SPEG: variants seen among roughly 807,000 people sequenced by gnomAD.
SPEG encodes the protein striated muscle enriched protein kinase, also known as striated muscle preferentially expressed protein kinase.
Under a neutral mutation model 300.4 loss-of-function variants are expected in SPEG, and 114 were observed. That is an observed-to-expected ratio of 0.38 (90% confidence interval 0.33 to 0.44). The LOEUF is 0.44. Ranked by LOEUF, SPEG falls within the 20% of genes least tolerant of loss-of-function variation. The pLI is 1.00. For missense variants in SPEG, 4,201 were observed against 4,586.2 expected (o/e 0.92, Z 2.43); for synonymous variants, 1,964 against 2,018.9 (o/e 0.97, Z 0.73).
intron 1 of SPEG, among the ~76,000 whole-genome samples, chr2:219,440,523 T>A (rs910932452): frequency 6.6e-6 from 1 of 152,148 alleles, no homozygotes; most frequent in Non-Finnish European, 1.5e-5. Context: ...TTGTGCAGGC[T>A]GAACAAAACT....
rs753020658 is a variant in SPEG at position 219,443,222 on chromosome 2, G to A, written c.389-1431G>A. 2.1e-6 allele frequency: 3 copies of A among 1,453,804 alleles called. No homozygotes were observed. The East Asian group carries it at 6.8e-5, about 33-fold the overall frequency. 90.1% of individuals were successfully genotyped at this position (1,453,804 alleles called of 1,614,324 possible). On this transcript the variant is annotated intron_variant, in intron 1 of 40. Coordinates refer to ENST00000312358, the MANE Select transcript of SPEG (RefSeq NM_005876.5). This position sits in a 1 kb window ranked among gnomAD's most constrained non-coding sequence, Gnocchi z 4.6. ...CTCTTGGTCCCTGTCCCTCTGTGAG[G>A]CATCGAGTTCCTGAAGACAGCCCAT... is the stretch of plus-strand genomic sequence containing the variant.
intron 15 of SPEG, 64 bp downstream of exon 15, chr2:219,472,395 G>C: frequency 7.1e-7 from 1 of 1,411,658 alleles, no homozygotes. Context: ...GCTCAGGCAG[G>C]ACACCATGGG....
intron 3 of SPEG, among the ~76,000 whole-genome samples, chr2:219,446,172 C>T (rs554128658): frequency 1.6e-4 from 25 of 152,048 alleles, no homozygotes; most frequent in East Asian, 1.9e-4. Context: ...GGCTGGGCCA[C>T]GGCCAGGGGG....
At chr2:219,476,802 G>A in intron 18 of SPEG, 68 bp from the exon 19 acceptor site, 2 of 1,254,546 alleles carry the variant, frequency 1.6e-6, no homozygotes, top group East Asian at 2.3e-5. Context: ...CTTGGGAGGG[G>A]CTGAGGAGGC....
At chr2:219,485,610 A>G (rs1693340984) in intron 31 of SPEG, 133 bp downstream of exon 31, 3 of 834,690 alleles carry the variant, frequency 3.6e-6, no homozygotes, top group East Asian at 6.1e-5. Flanking sequence ...TCAGACAACT[A>G]TAACAATAGC....
Position 219,478,018 on chromosome 2 carries a change from G to C in SPEG, c.4940G>C (p.Arg1647Pro). Reference protein sequence around the residue: ...KPKASARREARLLARLQHDCV... With the variant: ...KPKASARREAPLLARLQHDCV... ...AAGGCATCAGCGCGTCGGGAGGCCCGGCTGCTGGCCAGGCTCCAGCACGAC... is the reference window on the plus strand; with the variant it reads ...AAGGCATCAGCGCGTCGGGAGGCCCCGCTGCTGGCCAGGCTCCAGCACGAC... The change falls in exon 22 of 41, where the codon CGG becomes CCG. Residue 1647 changes from arginine to proline, a missense_variant. By Grantham distance (103) the Arg-to-Pro change is moderately radical. Transcript: ENST00000312358. The C allele has an allele frequency of 6.2e-7, 1 of 1,614,174 alleles. No individual in the cohort carries two copies. Among genetic ancestry groups the C allele is most frequent in the Non-Finnish European group, 8.5e-7 (1 of 1,180,046 alleles).
Position 219,484,974 on chromosome 2 carries a change from T to C in SPEG, c.7511T>C (p.Leu2504Pro), listed in dbSNP as rs1276237760. Residue 2504 changes from leucine (L) to proline (P), a missense_variant, in exon 30 of 41, where the codon CTT becomes CCT. Leu to Pro is a moderately conservative substitution (Grantham distance 98). Around this residue, in one of 4 missense-constraint regions of SPEG, gnomAD observed 1,578 missense variants for 1,506.0 expected, o/e 1.05. Transcript: ENST00000312358. ...ATSEGESLRR[L>P]GLPHNQLAAQ... ...TCCGAGGGCGAGAGTCTGCGGCGCC[T>C]TGGCCTTCCGCACAACCAGTTGGCC... The C allele has an allele frequency of 6.5e-7, 1 of 1,530,092 alleles. No individual in the cohort carries two copies. The highest frequency in any genetic ancestry group is 1.4e-5 in the African/African-American group (1 of 72,636). The allele number at this position is 1,530,092 out of a possible 1,614,324, so 94.8% of individuals were successfully genotyped here.
Position 219,467,429 on chromosome 2 carries a change from C to T in SPEG, c.3137C>T (p.Ala1046Val), listed in dbSNP as rs750605256. The T allele has an allele frequency of 3.1e-6, 5 of 1,598,642 alleles. No individual in the cohort carries two copies. In the South Asian group the frequency reaches 5.5e-5, roughly 18 times the overall value. ...GTCTACACCTGCAAGCTCAGCACGGCCAAAGGTAACTCCCCACTCAGGCAT... is the reference window on the plus strand; with the variant it reads ...GTCTACACCTGCAAGCTCAGCACGGTCAAAGGTAACTCCCCACTCAGGCAT... ...SGVYTCKLST[A>V]KDELTCSARL... The change falls in exon 10 of 41, where the codon GCC becomes GTC. Residue 1046 changes from alanine (A) to valine (V), a missense_variant. Ala to Val is a moderately conservative substitution (Grantham distance 64). Coordinates refer to ENST00000312358, the MANE Select transcript of SPEG (RefSeq NM_005876.5).
chr2:219,467,589 A>G (rs1691489551), intron 10 of SPEG, among the ~76,000 whole-genome samples, 155 bp downstream of exon 10: 1 of 152,238 alleles, frequency 6.6e-6, no homozygotes, highest in Admixed American at 6.5e-5. Flanking sequence ...GCCTCAATAA[A>G]ATAAGCACTT....
chr2:219,484,935 T>G lies in SPEG; in HGVS notation c.7472T>G (p.Leu2491Arg). 1 of 1,529,122 alleles carries G rather than the reference T, an allele frequency of 6.5e-7. No individual in the cohort carries two copies. Among genetic ancestry groups the G allele is most frequent in the Non-Finnish European group, 8.7e-7 (1 of 1,144,432 alleles). The allele number at this position is 1,529,122 out of a possible 1,614,324, so 94.7% of individuals were successfully genotyped here. A position where few individuals can be genotyped will look rare whatever the true frequency, so the allele number is the denominator to read the frequency against. The part of the protein sequence containing the change: ...SGRSTPLFGR[L>R]RRATSEGESL... Reference sequence around the variant, plus strand: ...CGCAGCACGCCGCTGTTCGGACGGCTTCGCAGGGCCACGTCCGAGGGCGAG... The same window carrying G: ...CGCAGCACGCCGCTGTTCGGACGGCGTCGCAGGGCCACGTCCGAGGGCGAG... The change falls in exon 30 of 41, where the codon CTT becomes CGT. Residue 2491 changes from leucine (L) to arginine (R), a missense_variant. This residue lies in a region of SPEG where 1,578 missense variants were observed against 1,506.0 expected (regional missense o/e 1.05). Coordinates refer to ENST00000312358, the MANE Select transcript of SPEG (RefSeq NM_005876.5).
chr2:219,488,997 G>C lies in SPEG; in HGVS notation c.8150-57G>C. The C allele has an allele frequency of 2.5e-6, 4 of 1,607,456 alleles. No homozygotes were observed. The South Asian group carries it at 3.3e-5, about 13-fold the overall frequency. On this transcript the variant is annotated intron_variant, in intron 34 of 40. Coordinates refer to ENST00000312358, the MANE Select transcript of SPEG (RefSeq NM_005876.5). ...CCTCCCAGGCTCCACAGATAGCACC[G>C]TGGGAGCTGGGGCCACCGCTTCTGT...
At chr2:219,488,731 T>C in intron 33 of SPEG, 47 bp from the exon 34 acceptor site, 1 of 1,611,490 alleles carries the variant, frequency 6.2e-7, no homozygotes, top group Non-Finnish European at 8.5e-7. Flanking sequence ...TGAGGGGTTC[T>C]TAGCTAGGGT....
intron 18 of SPEG, chr2:219,474,187 C>T (rs912937056): frequency 2.4e-5 from 7 of 291,176 alleles, no homozygotes; most frequent in South Asian, 8.1e-5. Flanking sequence ...TGACCAGCCT[C>T]GCCAACATGG....
intron 9 of SPEG, chr2:219,466,085 TC>T: frequency 6.3e-7 from 1 of 1,593,016 alleles, no homozygotes. Flanking sequence ...CCACCTGTGC[TC>T]CCCCCGCTAC....
In SPEG at chr2:219,479,078, GC is replaced by G; in HGVS notation, c.5028-63del. ...AGAACCCCGTGCTGAGCTGGGACCT[GC>G]CCTGAGCGCTGGGCTGGGCCGGGCA... is the stretch of plus-strand genomic sequence containing the variant. On this transcript the variant is annotated intron_variant, in intron 22 of 40. Transcript: ENST00000312358. The surrounding 1 kb of genome is among the most constrained non-coding windows in gnomAD (Gnocchi z 5.5). The G allele has an allele frequency of 6.8e-7, 1 of 1,462,726 alleles. No individual in the cohort carries two copies. The allele number at this position is 1,462,726 out of a possible 1,614,324, so 90.6% of individuals were successfully genotyped here. A position where few individuals can be genotyped will look rare whatever the true frequency, so the allele number is the denominator to read the frequency against.
rs1690516252 is a variant in SPEG, at chr2:219,459,995, C to A, written c.2441-1887C>A. Among the ~76,000 whole-genome samples, 1 of 152,232 alleles carries A rather than the reference C, an allele frequency of 6.6e-6. No homozygotes were observed. The highest frequency in any genetic ancestry group is 1.5e-5 in the Non-Finnish European group (1 of 68,040). On this transcript the variant is annotated intron_variant, in intron 6 of 40. Transcript: ENST00000312358. This position sits in a 1 kb window ranked among gnomAD's most constrained non-coding sequence, Gnocchi z 4.9. ...GACCCCTGCTCAACAGCCCCCTTCT[C>A]TCAGGTTCTGTGTCCAAACCCTTTC...
In SPEG at chr2:219,458,533, C is replaced by T. The variant is rs1036161626; in HGVS notation, c.2441-3349C>T. On this transcript the variant is annotated intron_variant, in intron 6 of 40. Transcript: ENST00000312358. The surrounding 1 kb of genome is among the most constrained non-coding windows in gnomAD (Gnocchi z 4.2). ...GTCTAAGGAGCCCTCCAGGTGATTC[C>T]GATGCACAGAAAACCTTGAGAACCA... is the stretch of plus-strand genomic sequence containing the variant. Among the ~76,000 whole-genome samples, 3 of 152,148 alleles carry T rather than the reference C, an allele frequency of 2.0e-5. No homozygotes were observed. The highest frequency in any genetic ancestry group is 4.8e-5 in the African/African-American group (2 of 41,422).
At chr2:219,466,663 C>T in intron 9 of SPEG, 1 of 1,001,104 alleles carries the variant, frequency 1.0e-6, no homozygotes, top group Non-Finnish European at 1.2e-6. Flanking sequence ...TGATGAACAG[C>T]CTGGCTGAGC....
At chr2:219,449,361 T>G (rs1401514741) in intron 4 of SPEG, 90 bp downstream of exon 4, 5 of 1,089,252 alleles carry the variant, frequency 4.6e-6, no homozygotes. Flanking sequence ...AGCCGGGGGG[T>G]CGGGGGTTTC....
Sources: gnomAD v4.1 joint callset for allele counts (sites outside exome capture counted in the v4.1 genomes callset) on GRCh38, gnomAD v4.1.1 for gene constraint, gnomAD v4.1.1 regional missense constraint, Gnocchi (gnomAD v3.1) non-coding constraint, MANE v1.5 for transcripts, NCBI Gene and HGNC (gene_info 2026-07-23, HGNC 2026-07-21) for gene names.